The following MYT1L variants were observed in gnomAD, a reference collection of about 807,000 sequenced individuals.
MYT1L encodes the protein myelin transcription factor 1-like protein.
MYT1L carries 12 observed loss-of-function variants against 126.7 expected under a neutral mutation model. That is an observed-to-expected ratio of 0.09 (90% CI 0.06 to 0.15). The LOEUF (loss-of-function observed/expected upper bound fraction) is 0.15, where lower values mean the gene tolerates loss of function less well. Among genes scored for constraint, MYT1L ranks in the 10% least tolerant of loss-of-function variants. The probability of loss-of-function intolerance (pLI) is 1.00; values close to 1 mark genes in which losing one functional copy is unlikely to be tolerated. For missense variants in MYT1L, 979 were observed against 1,585.2 expected (o/e 0.62, Z 6.49); for synonymous variants, 541 against 604.2 (o/e 0.90, Z 1.53).
At chr2:2,221,840 C>T (rs550905160) in intron 2 of MYT1L, among the ~76,000 whole-genome samples, 11 of 152,238 alleles carry the variant, frequency 7.2e-5, no homozygotes, top group African/African-American at 2.2e-4. Flanking sequence ...TTTTAATTTT[C>T]GAAGGAGCAG....
At chr2:1,904,559 C>T (rs931555236) in intron 13 of MYT1L, among the ~76,000 whole-genome samples, 2 of 151,688 alleles carry the variant, frequency 1.3e-5, no homozygotes. Context: ...TCAGTGGAGA[C>T]AGGGTTTCAC....
intron 19 of MYT1L, among the ~76,000 whole-genome samples, chr2:1,846,137 C>T (rs1019540104): frequency 5.3e-5 from 8 of 152,130 alleles, no homozygotes; most frequent in Non-Finnish European, 4.4e-5. Context: ...CCCTGAGGTG[C>T]GCCCTCCTGG....
At chr2:2,088,502 C>T (rs1490438226) in intron 3 of MYT1L, among the ~76,000 whole-genome samples, 1 of 152,224 alleles carries the variant, frequency 6.6e-6, no homozygotes, top group Admixed American at 6.5e-5. Flanking sequence ...TCCAGTCCTT[C>T]CCCTGGGCCC....
At chr2:1,931,182 G>T (rs2054921240) in intron 9 of MYT1L, among the ~76,000 whole-genome samples, 1 of 152,198 alleles carries the variant, frequency 6.6e-6, no homozygotes, top group South Asian at 2.1e-4. Flanking sequence ...CCCCTCCCAG[G>T]TTGGGCCTTC....
intron 4 of MYT1L, among the ~76,000 whole-genome samples, chr2:2,015,235 T>C (rs1404054521): frequency 6.6e-6 from 1 of 152,118 alleles, no homozygotes; most frequent in Non-Finnish European, 1.5e-5. Context: ...CCGAGGAGTC[T>C]CTGTTTCTGG....
rs145471771 is a variant in MYT1L, at chr2:2,315,693, C to T, written c.-521+15274G>A. 1.6e-4 allele frequency among the ~76,000 whole-genome samples: 24 copies of T among 152,252 alleles called. No homozygotes were observed. In the East Asian group the frequency reaches 4.6e-3, roughly 29 times the overall value. Reference sequence around the variant, plus strand: ...TACAAGAGAGTATGGGTCCTTGGCACTTAACATTACTCATTTTATGATCTT... The same window carrying T: ...TACAAGAGAGTATGGGTCCTTGGCATTTAACATTACTCATTTTATGATCTT... On this transcript the variant is annotated intron_variant, in intron 1 of 24. Coordinates refer to ENST00000647738, the MANE Select transcript of MYT1L (RefSeq NM_001303052.2).
chr2:2,288,979 C>A (rs1212528861), intron 1 of MYT1L, among the ~76,000 whole-genome samples: 2 of 152,222 alleles, frequency 1.3e-5, no homozygotes, highest in East Asian at 3.8e-4. Context: ...AAATGTTCTA[C>A]CCTTCAATAT....
chr2:2,319,703 C>A (rs1367365078), intron 1 of MYT1L, among the ~76,000 whole-genome samples: 1 of 151,840 alleles, frequency 6.6e-6, no homozygotes, highest in Non-Finnish European at 1.5e-5. Context: ...TTTCAAAATG[C>A]ATTCAAGAAA....
At chr2:2,177,691 G>A (rs1309094975) in intron 2 of MYT1L, among the ~76,000 whole-genome samples, 1 of 152,100 alleles carries the variant, frequency 6.6e-6, no homozygotes, top group African/African-American at 2.4e-5. Context: ...GAGAATCCAG[G>A]GAAAACTGCC....
chr2:1,976,879 A>G (rs2060228119), intron 8 of MYT1L, among the ~76,000 whole-genome samples: 1 of 152,220 alleles, frequency 6.6e-6, no homozygotes, highest in African/African-American at 2.4e-5. Flanking sequence ...ACCGTTTTAC[A>G]TAATAAAGTC....
intron 19 of MYT1L, among the ~76,000 whole-genome samples, chr2:1,850,567 T>C (rs1479499309): frequency 6.6e-6 from 1 of 152,144 alleles, no homozygotes; most frequent in Non-Finnish European, 1.5e-5. Context: ...AAGGTTTTCT[T>C]CTTGACCAAA....
At chr2:2,159,083 A>G (rs181269553) in intron 3 of MYT1L, among the ~76,000 whole-genome samples, 56 of 152,240 alleles carry the variant, frequency 3.7e-4, no homozygotes, top group African/African-American at 1.3e-3. Flanking sequence ...CACTTCCACA[A>G]TCCGCAGGTT....
chr2:2,062,536 CTGTCT>C (rs1429487683), intron 3 of MYT1L, among the ~76,000 whole-genome samples: 6 of 152,216 alleles, frequency 3.9e-5, no homozygotes, highest in Admixed American at 1.3e-4. Flanking sequence ...CTGTCTTCCT[CTGTCT>C]TGATTTACTT....
chr2:1,945,393 G>A (rs1375301268), intron 8 of MYT1L, among the ~76,000 whole-genome samples: 1 of 152,158 alleles, frequency 6.6e-6, no homozygotes, highest in Non-Finnish European at 1.5e-5. Context: ...TGAGGAGGGT[G>A]CCCAGATCAT....
chr2:2,190,298 A>C (rs1016175168), intron 2 of MYT1L, among the ~76,000 whole-genome samples: 5 of 152,068 alleles, frequency 3.3e-5, no homozygotes, highest in Admixed American at 3.3e-4. Context: ...CTCTACAAAA[A>C]ATACAGAAAT....
chr2:1,973,412 C>T (rs762723429), intron 8 of MYT1L, among the ~76,000 whole-genome samples: 1 of 152,012 alleles, frequency 6.6e-6, no homozygotes, highest in Non-Finnish European at 1.5e-5. Context: ...CTATAGATTC[C>T]ATTCTAACCA....
At chr2:1,870,683 T>C (rs917881835) in intron 18 of MYT1L, among the ~76,000 whole-genome samples, 8 of 152,180 alleles carry the variant, frequency 5.3e-5, no homozygotes, top group African/African-American at 1.9e-4. Context: ...TTTTACACGA[T>C]CTGTGTTTTC....
At chr2:2,256,375 A>T (rs1333306421) in intron 2 of MYT1L, among the ~76,000 whole-genome samples, 1 of 152,246 alleles carries the variant, frequency 6.6e-6, no homozygotes, top group Non-Finnish European at 1.5e-5. Context: ...CCACAGGTCT[A>T]ATTCAGGTGC....
intron 3 of MYT1L, among the ~76,000 whole-genome samples, chr2:2,099,629 C>T (rs1285153141): frequency 1.3e-5 from 2 of 152,160 alleles, no homozygotes; most frequent in African/African-American, 2.4e-5. Flanking sequence ...ATTTACTTAG[C>T]AACATCCTTT....
Sources: allele counts gnomAD v4.1 joint callset (sites outside exome capture counted in the v4.1 genomes callset), GRCh38; gene constraint gnomAD v4.1.1; transcripts MANE v1.5; gene names NCBI Gene and HGNC (gene_info 2026-07-23, HGNC 2026-07-21).